Variants in CALN1 observed in about 807,000 individuals in gnomAD.
CALN1 encodes the protein calcium-binding protein 8.
A neutral mutation model predicts 30.6 loss-of-function variants in CALN1; 17 were observed. The observed-to-expected ratio is 0.56, with a 90% CI of 0.38 to 0.83. The LOEUF (loss-of-function observed/expected upper bound fraction) is 0.83. Among genes scored for constraint, CALN1 ranks in the 40% least tolerant of loss-of-function variants. The pLI is 0.00. For synonymous variants in CALN1, 156 were observed against 131.4 expected, an observed-to-expected ratio of 1.19 and a Z score of -1.28; for missense variants, 291 against 354.9, an observed-to-expected ratio of 0.82 and a Z score of 1.45.
chr7:72,030,221 CTCTT>C (rs142065886), intron 4 of CALN1, among the ~76,000 whole-genome samples: 9,151 of 152,258 alleles, frequency 0.06, 296 homozygotes, highest in Non-Finnish European at 0.075. Context: ...CTCATGCACT[CTCTT>C]TGTTACTCAA....
chr7:71,937,194 C>A lies in CALN1; in HGVS notation c.501+86463G>T, dbSNP rs1442450076. ...TGGTGGTGCATGCCTGTAAACCCAGCTCCTTGGGAGGCTGCTTGAACAGGA... is the reference window on the plus strand; with the variant it reads ...TGGTGGTGCATGCCTGTAAACCCAGATCCTTGGGAGGCTGCTTGAACAGGA... On this transcript the variant is annotated intron_variant, in intron 5 of 6. Transcript: ENST00000395275. Among the ~76,000 whole-genome samples, 3 of 150,422 alleles carry A rather than the reference C, an allele frequency of 2.0e-5. No individual in the cohort carries two copies. In the East Asian group the frequency reaches 6.1e-4, roughly 31 times the overall value.
intron 5 of CALN1, among the ~76,000 whole-genome samples, chr7:72,014,217 G>C (rs1389326696): frequency 6.6e-6 from 1 of 151,698 alleles, no homozygotes; most frequent in Non-Finnish European, 1.5e-5. Flanking sequence ...CTCCCAGGTA[G>C]CTGGGACTAC....
intron 5 of CALN1, among the ~76,000 whole-genome samples, chr7:71,874,319 C>T (rs56341267): frequency 0.18 from 26,093 of 148,492 alleles, 2,665 homozygotes; most frequent in Non-Finnish European, 0.23. Flanking sequence ...ATTCCCTCAC[C>T]GTGTCTTAGG....
At chr7:72,285,912 G>C (rs916955736) in intron 2 of CALN1, among the ~76,000 whole-genome samples, 4 of 152,138 alleles carry the variant, frequency 2.6e-5, no homozygotes, top group Non-Finnish European at 1.5e-5. Context: ...GGGCAATATT[G>C]ATCTTGCATG....
At chr7:72,183,770 G>T (rs544549706) in intron 3 of CALN1, among the ~76,000 whole-genome samples, 7 of 152,236 alleles carry the variant, frequency 4.6e-5, no homozygotes, top group East Asian at 1.9e-4. Flanking sequence ...CTCCATTTTT[G>T]AATGTTAATG....
intron 3 of CALN1, among the ~76,000 whole-genome samples, chr7:72,268,793 C>CCACACACACACACACACA (rs3032247): frequency 2.6e-4 from 38 of 145,826 alleles, no homozygotes; most frequent in African/African-American, 8.5e-4. Context: ...CAAGACCCTG[C>CCACACACACACACACACA]CACACACACA....
intron 2 of CALN1, among the ~76,000 whole-genome samples, chr7:72,387,201 G>A (rs905898623): frequency 7.8e-6 from 1 of 128,484 alleles, no homozygotes; most frequent in African/African-American, 2.9e-5. Flanking sequence ...AGGGAGGGAG[G>A]GAGGGAGGGA....
At chr7:72,317,636 G>T (rs1800575527) in intron 2 of CALN1, among the ~76,000 whole-genome samples, 1 of 152,174 alleles carries the variant, frequency 6.6e-6, no homozygotes, top group Non-Finnish European at 1.5e-5. Flanking sequence ...AACCTGTGTG[G>T]CACCTGGACA....
At chr7:71,993,419 T>C (rs12154959) in intron 5 of CALN1, among the ~76,000 whole-genome samples, 12,388 of 151,550 alleles carry the variant, frequency 0.082, 697 homozygotes, top group Non-Finnish European at 0.12. Context: ...TGAGCTATGA[T>C]TGCACCGCTG....
chr7:72,194,802 G>GA (rs1408725105), intron 3 of CALN1, among the ~76,000 whole-genome samples: 1 of 151,882 alleles, frequency 6.6e-6, no homozygotes, highest in Non-Finnish European at 1.5e-5. Flanking sequence ...ATGTTGGCCA[G>GA]GATGGTCTCA....
intron 3 of CALN1, among the ~76,000 whole-genome samples, chr7:72,263,379 T>C (rs1425917350): frequency 6.6e-6 from 1 of 152,098 alleles, no homozygotes; most frequent in African/African-American, 2.4e-5. Flanking sequence ...CAACCATGCA[T>C]TTTTATTTTA....
At chr7:72,489,694 G>A in the CALN1 span, among the ~76,000 whole-genome samples, 1 of 152,204 alleles carries the variant, frequency 6.6e-6, no homozygotes, top group Admixed American at 6.5e-5. Flanking sequence ...CCAACCCTTT[G>A]CATGAAGATA....
chr7:72,388,517 G>T (rs1805382350), intron 2 of CALN1, among the ~76,000 whole-genome samples: 1 of 152,278 alleles, frequency 6.6e-6, no homozygotes, highest in East Asian at 1.9e-4. Flanking sequence ...CGCAGCACAT[G>T]TACCATACTT....
chr7:71,936,905 G>A (rs1480853196), intron 5 of CALN1, among the ~76,000 whole-genome samples: 1 of 152,058 alleles, frequency 6.6e-6, no homozygotes, highest in Non-Finnish European at 1.5e-5. Flanking sequence ...AGGAGTTTCT[G>A]CTTTTGTATC....
rs1405215886 is a variant in CALN1, at chr7:71,980,370, A to G, written c.501+43287T>C. On this transcript the variant is annotated intron_variant, in intron 5 of 6. Coordinates refer to ENST00000395275, the MANE Select transcript of CALN1 (RefSeq NM_031468.4). Reference sequence around the variant, plus strand: ...TCCAGTTAATTTTTGTATTTTTAGTAGAGACAGGGTTTTACCATGTTGGCC... The same window carrying G: ...TCCAGTTAATTTTTGTATTTTTAGTGGAGACAGGGTTTTACCATGTTGGCC... Among the ~76,000 whole-genome samples the G allele has an allele frequency of 2.6e-5, 4 of 151,236 alleles. No homozygotes were observed. The East Asian group carries it at 7.8e-4, about 29-fold the overall frequency.
In CALN1 at chr7:72,327,718, A is replaced by C. The variant is rs562162147; in HGVS notation, c.120-48908T>G. Among the ~76,000 whole-genome samples the C allele has an allele frequency of 4.6e-5, 7 of 152,362 alleles. No individual in the cohort carries two copies. The South Asian group carries it at 1.2e-3, about 27-fold the overall frequency. On this transcript the variant is annotated intron_variant, in intron 2 of 6. Transcript: ENST00000395275. ...GATGTTTGGGAAAGCAATAATGTTT[A>C]AATGTTCAGAAATAAGCTTTTAATG... is the stretch of plus-strand genomic sequence containing the variant.
the CALN1 span, among the ~76,000 whole-genome samples, chr7:72,468,944 A>G: frequency 6.6e-6 from 1 of 152,170 alleles, no homozygotes; most frequent in Non-Finnish European, 1.5e-5. Context: ...TTTTAAATAT[A>G]TTCTGTATAC....
At chr7:72,281,323 AAAC>A (rs1479589387) in intron 2 of CALN1, among the ~76,000 whole-genome samples, 1 of 152,128 alleles carries the variant, frequency 6.6e-6, no homozygotes, top group African/African-American at 2.4e-5. Flanking sequence ...GGCTCTTTGT[AAAC>A]AACCCAGTCT....
chr7:71,941,733 A>G (rs1437809467), intron 5 of CALN1, among the ~76,000 whole-genome samples: 2 of 152,230 alleles, frequency 1.3e-5, no homozygotes, highest in African/African-American at 4.8e-5. Context: ...ATCATGCCAG[A>G]AATCAATCTA....
Sources: gnomAD v4.1 joint callset for allele counts (sites outside exome capture counted in the v4.1 genomes callset) on GRCh38, gnomAD v4.1.1 for gene constraint, MANE v1.5 for transcripts, NCBI Gene and HGNC (gene_info 2026-07-23, HGNC 2026-07-21) for gene names.